Variants in DYNC1H1 observed in about 807,000 individuals in gnomAD.
DYNC1H1 encodes dynein cytoplasmic 1 heavy chain 1.
In DYNC1H1, 51 loss-of-function variants were observed where a neutral mutation model predicts 527.1. That is an observed-to-expected ratio of 0.10 (90% CI 0.08 to 0.12). DYNC1H1 has a LOEUF of 0.12. Ranked by LOEUF, DYNC1H1 falls within the 10% of genes least tolerant of loss-of-function variation. The pLI is 1.00. For synonymous variants in DYNC1H1, 2,189 were observed against 2,278.8 expected, an observed-to-expected ratio of 0.96 and a Z score of 1.12; for missense variants, 2,771 against 5,971.8, an observed-to-expected ratio of 0.46 and a Z score of 17.66.
At chr14:102,028,281 G>C (rs1299233641) in intron 48 of DYNC1H1, 140 bp downstream of exon 48, 21 of 1,006,124 alleles carry the variant, frequency 2.1e-5, no homozygotes, top group Non-Finnish European at 2.8e-5. Context: ...GGAGGCCAAG[G>C]CGGGAGGATC....
chr14:102,032,684 T>C, intron 52 of DYNC1H1: 2 of 640,204 alleles, frequency 3.1e-6, no homozygotes, highest in South Asian at 3.8e-5. Context: ...ACACCCTGTC[T>C]CTACAAAAAA....
chr14:102,050,327 C>T lies in DYNC1H1; in HGVS notation c.13813-108C>T, dbSNP rs1225391423. The T allele has an allele frequency of 1.3e-5, 21 of 1,609,954 alleles. No homozygotes were observed. The African/African-American group carries it at 1.7e-4, about 13-fold the overall frequency. ...TGAGGTTCACAGAGGAAATCCATTT[C>T]GCACCTGTCCAAACCTCTCCTTGCC... On this transcript the variant is annotated intron_variant, in intron 77 of 77. Coordinates refer to ENST00000360184, the MANE Select transcript of DYNC1H1 (RefSeq NM_001376.5).
In DYNC1H1 at chr14:102,036,933, C is replaced by CA; in HGVS notation, c.10908+297dup. On this transcript the variant is annotated intron_variant, in intron 57 of 77. Coordinates refer to ENST00000360184, the MANE Select transcript of DYNC1H1 (RefSeq NM_001376.5). This position sits in a 1 kb window ranked among gnomAD's most constrained non-coding sequence, Gnocchi z 5.6. The stretch of plus-strand genomic sequence containing the variant: ...AAAGCCTGGCTAAACCCCATCTCTA[C>CA]AAAAAATACAAAAATTAGCTGGTTG... 1 of 362,346 alleles carries CA rather than the reference C, an allele frequency of 2.8e-6. No homozygotes were observed. The highest frequency in any genetic ancestry group is 5.4e-6 in the Non-Finnish European group (1 of 186,316). The allele number at this position is 362,346 out of a possible 1,614,324, so 22.4% of individuals were successfully genotyped here.
chr14:102,025,180 G>A (rs1292980690), intron 43 of DYNC1H1, among the ~76,000 whole-genome samples: 1 of 151,846 alleles, frequency 6.6e-6, no homozygotes, highest in African/African-American at 2.4e-5. Context: ...GCCGAGGCAG[G>A]TGGATCACGA....
At chr14:102,040,876 T>G (rs2048641162) in intron 64 of DYNC1H1, 8 of 645,078 alleles carry the variant, frequency 1.2e-5, no homozygotes, top group Non-Finnish European at 2.2e-5. Context: ...GGAAGGTCAC[T>G]TGAGCCTGGG....
rs778369655 is a variant in DYNC1H1 at position 102,017,156 on chromosome 14, C to T, written c.7917C>T (p.Cys2639=). 5 of 1,614,092 alleles carry T rather than the reference C, an allele frequency of 3.1e-6. No homozygotes were observed. Among genetic ancestry groups the T allele is most frequent in the Admixed American group, 3.3e-5 (2 of 60,000 alleles). ...TTCTGAAGACTTTTGATCACTACTG[C>T]GAGTACAGGCGCACACCTAATGGGG... is the stretch of plus-strand genomic sequence containing the variant. ...ELLLKTFDHY[C]EYRRTPNGVV... The change falls in exon 39 of 78, where the codon TGC becomes TGT. Residue 2639 remains cysteine (C), a synonymous_variant. Transcript: ENST00000360184. The surrounding 1 kb of genome is among the most constrained non-coding windows in gnomAD (Gnocchi z 4.6).
chr14:102,029,474 T>C lies in DYNC1H1; in HGVS notation c.9469-65T>C. On this transcript the variant is annotated intron_variant, in intron 48 of 77. Transcript: ENST00000360184. This position sits in a 1 kb window ranked among gnomAD's most constrained non-coding sequence, Gnocchi z 5.3. ...TCACACCCATCTGCCAAGGCCAAAA[T>C]TGTTTTCTGAGGTTAAGTCACAGAG... is the stretch of plus-strand genomic sequence containing the variant. 3 of 1,608,884 alleles carry C rather than the reference T, an allele frequency of 1.9e-6. No individual in the cohort carries two copies. Among genetic ancestry groups the C allele is most frequent in the Non-Finnish European group, 2.5e-6 (3 of 1,177,316 alleles).
intron 10 of DYNC1H1, among the ~76,000 whole-genome samples, chr14:101,989,084 CAT>C (rs1205131806): frequency 6.6e-6 from 1 of 152,164 alleles, no homozygotes; most frequent in Non-Finnish European, 1.5e-5. Flanking sequence ...CCCTCACTCT[CAT>C]GTGAGATGTT....
intron 10 of DYNC1H1, 117 bp downstream of exon 10, chr14:101,988,969 A>G: frequency 2.9e-6 from 4 of 1,368,896 alleles, no homozygotes; most frequent in South Asian, 2.5e-5. Flanking sequence ...CACCTTAACC[A>G]GGTGATGAAG....
chr14:101,965,683 T>A lies in DYNC1H1; in HGVS notation c.256+736T>A, dbSNP rs2047659262. 6.6e-6 allele frequency among the ~76,000 whole-genome samples: 1 copy of A among 152,032 alleles called. No individual in the cohort carries two copies. Among genetic ancestry groups the A allele is most frequent in the Non-Finnish European group, 1.5e-5 (1 of 68,010 alleles). ...TTTCACCCAAGGTCACCAGCTAATC[T>A]TAGTCCTGAGACTAGACTCAGTGTC... On this transcript the variant is annotated intron_variant, in intron 1 of 77. Transcript: ENST00000360184. This position sits in a 1 kb window ranked among gnomAD's most constrained non-coding sequence, Gnocchi z 4.1.
rs368831399 is a variant in DYNC1H1 at position 102,042,199 on chromosome 14, G to A, written c.12215-29G>A. ...GTGGGCATTGATGTCCGAGGCTGCCGCTGCTAACACTAAGTTTCCCTGCAC... is the reference window on the plus strand; with the variant it reads ...GTGGGCATTGATGTCCGAGGCTGCCACTGCTAACACTAAGTTTCCCTGCAC... On this transcript the variant is annotated intron_variant, in intron 66 of 77. Coordinates refer to ENST00000360184, the MANE Select transcript of DYNC1H1 (RefSeq NM_001376.5). The surrounding 1 kb of genome is among the most constrained non-coding windows in gnomAD (Gnocchi z 5.7). 2.8e-5 allele frequency: 45 copies of A among 1,613,982 alleles called. No homozygotes were observed. The highest frequency in any genetic ancestry group is 1.3e-4 in the East Asian group (6 of 44,838).
rs1193248930 is a variant in DYNC1H1, at chr14:102,055,321, AC to A, written c.*4760del. The A allele has an allele frequency of 6.6e-6, 1 of 152,144 alleles. No individual in the cohort carries two copies. Among genetic ancestry groups the A allele is most frequent in the African/African-American group, 2.4e-5 (1 of 41,350 alleles). 9.4% of individuals were successfully genotyped at this position (152,144 alleles called of 1,614,324 possible). A position where few individuals can be genotyped will look rare whatever the true frequency, so the allele number is the denominator to read the frequency against. ...AGCCGACCAGGCTGGGAACACCGAG[AC>A]CGAGAGCGCGTGGCTGTGTCTACAA... is the stretch of plus-strand genomic sequence containing the variant. On this transcript the variant is annotated 3_prime_UTR_variant, in exon 78 of 78. Transcript: ENST00000360184.
rs2720204 is a variant in DYNC1H1 at position 101,990,320 on chromosome 14, G to A, written c.2869-1207G>A. 6.1e-3 allele frequency among the ~76,000 whole-genome samples: 923 copies of A among 152,236 alleles called. 4 individuals carry two copies. The highest frequency in any genetic ancestry group is 0.016 in the African/African-American group (646 of 41,540). On this transcript the variant is annotated intron_variant, in intron 10 of 77. Coordinates refer to ENST00000360184, the MANE Select transcript of DYNC1H1 (RefSeq NM_001376.5). ...TGCTAGTTTCTCGGGTCTCAAGGTCGTTATATTGAGACATCGTCATATACT... is the reference window on the plus strand; with the variant it reads ...TGCTAGTTTCTCGGGTCTCAAGGTCATTATATTGAGACATCGTCATATACT...
chr14:101,994,372 A>T (rs2048033198), intron 12 of DYNC1H1, 48 bp downstream of exon 12: 1 of 1,613,006 alleles, frequency 6.2e-7, no homozygotes, highest in Non-Finnish European at 8.5e-7. Context: ...TCTATTCTAG[A>T]CACTTAAGAG....
At chr14:102,032,693 A>C in intron 52 of DYNC1H1, 1 of 623,550 alleles carries the variant, frequency 1.6e-6, no homozygotes, top group Middle Eastern at 4.3e-4. Flanking sequence ...CTCTACAAAA[A>C]AATACAAAAA....
intron 76 of DYNC1H1, 39 bp from the exon 77 acceptor site, chr14:102,050,027 CTGTTG>C: frequency 6.2e-7 from 1 of 1,614,210 alleles, no homozygotes; most frequent in Non-Finnish European, 8.5e-7. Flanking sequence ...GTTTGTGTAG[CTGTTG>C]TGTTCACCTC....
chr14:102,001,740 A>G lies in DYNC1H1; in HGVS notation c.4542+59A>G. On this transcript the variant is annotated intron_variant, in intron 21 of 77. Transcript: ENST00000360184. This position sits in a 1 kb window ranked among gnomAD's most constrained non-coding sequence, Gnocchi z 5.0. ...AGTGGTCTCCCACGCTTTCACTGTA[A>G]TGCCTTTTCACTGACAGTTACTAGG... is the stretch of plus-strand genomic sequence containing the variant. The G allele has an allele frequency of 6.2e-7, 1 of 1,609,654 alleles. No homozygotes were observed.
chr14:102,045,038 C>T, intron 72 of DYNC1H1: 1 of 365,888 alleles, frequency 2.7e-6, no homozygotes, highest in Non-Finnish European at 5.3e-6. Context: ...CACACTGGCT[C>T]ACACCTATAA....
At chr14:102,048,771 C>A in intron 74 of DYNC1H1, 102 bp downstream of exon 74, 1 of 1,291,850 alleles carries the variant, frequency 7.7e-7, no homozygotes, top group Non-Finnish European at 1.0e-6. Flanking sequence ...ACAGCCAGGC[C>A]TGCAGGAGCT....
Sources: allele counts gnomAD v4.1 joint callset (sites outside exome capture counted in the v4.1 genomes callset), GRCh38; gene constraint gnomAD v4.1.1; non-coding constraint Gnocchi (gnomAD v3.1); transcripts MANE v1.5; gene names NCBI Gene and HGNC (gene_info 2026-07-23, HGNC 2026-07-21).